Variants in EPHA3 observed in about 807,000 individuals in gnomAD.
EPHA3 encodes the protein EPH receptor A3.
In EPHA3, 42 loss-of-function variants were observed where a neutral mutation model predicts 107.1. The observed-to-expected ratio is 0.39, with a 90% confidence interval of 0.31 to 0.51. EPHA3 has a LOEUF of 0.51. EPHA3 is among the 20% of genes least tolerant of loss of function. EPHA3 has a pLI of 0.78. For missense variants in EPHA3, 1,183 were observed against 1,211.2 expected (o/e 0.98, Z 0.35); for synonymous variants, 461 against 424.8 (o/e 1.09, Z -1.05).
intron 15 of EPHA3, among the ~76,000 whole-genome samples, chr3:89,458,606 A>G (rs1160719607): frequency 6.6e-6 from 1 of 152,172 alleles, no homozygotes; most frequent in Non-Finnish European, 1.5e-5. Flanking sequence ...ACTCTCTTCT[A>G]TAATGGTTGA....
At chr3:89,213,523 T>G (rs1156746467) in intron 3 of EPHA3, among the ~76,000 whole-genome samples, 1 of 152,030 alleles carries the variant, frequency 6.6e-6, no homozygotes, top group African/African-American at 2.4e-5. Context: ...TCACATACAG[T>G]TGCAGCCAGG....
chr3:89,393,442 T>TA (rs1708783856), intron 5 of EPHA3, among the ~76,000 whole-genome samples: 1 of 152,226 alleles, frequency 6.6e-6, no homozygotes, highest in Admixed American at 6.5e-5. Context: ...AATGAATTGT[T>TA]TTCTCACTTT....
At chr3:89,459,067 T>C (rs1655130685) in intron 15 of EPHA3, among the ~76,000 whole-genome samples, 1 of 152,076 alleles carries the variant, frequency 6.6e-6, no homozygotes, top group African/African-American at 2.4e-5. Flanking sequence ...TTCTGACAAA[T>C]ACCTAATGCA....
At chr3:89,263,153 A>T (rs910100674) in intron 3 of EPHA3, among the ~76,000 whole-genome samples, 1 of 151,620 alleles carries the variant, frequency 6.6e-6, no homozygotes, top group African/African-American at 2.4e-5. Context: ...CCCATGCGTG[A>T]TGATTCCCTC....
At position 89,309,069 on chromosome 3, in the gene EPHA3, AAGT is replaced by A. The variant is rs1305037259; in HGVS notation, c.815-31843_815-31841del. 2.6e-5 allele frequency among the ~76,000 whole-genome samples: 4 copies of A among 152,084 alleles called. No homozygotes were observed. In the East Asian group the frequency reaches 5.8e-4, roughly 22 times the overall value. On this transcript the variant is annotated intron_variant, in intron 3 of 16. Transcript: ENST00000336596. ...ATTAGGAAAGCTTTAAAGATGAAGA[AAGT>A]AGTGAAAGTATCAAATGTTGCACAG...
chr3:89,328,357 G>T (rs1471698269), intron 3 of EPHA3, among the ~76,000 whole-genome samples: 1 of 152,118 alleles, frequency 6.6e-6, no homozygotes, highest in Non-Finnish European at 1.5e-5. Context: ...CATAAATTAA[G>T]CATTCTCTAC....
intron 5 of EPHA3, among the ~76,000 whole-genome samples, chr3:89,345,419 T>G (rs115340119): frequency 0.015 from 2,286 of 151,330 alleles, 61 homozygotes; most frequent in African/African-American, 0.052. Context: ...CATTCACATG[T>G]GTGAAAATAT....
chr3:89,182,537 T>C (rs1170628909), intron 2 of EPHA3, among the ~76,000 whole-genome samples: 1 of 151,918 alleles, frequency 6.6e-6, no homozygotes, highest in Non-Finnish European at 1.5e-5. Flanking sequence ...TTACAAAAGG[T>C]ATGCCTTACA....
chr3:89,399,726 G>GTTTTT, intron 7 of EPHA3: 1 of 987,028 alleles, frequency 1.0e-6, no homozygotes. Context: ...AAATGCTTCT[G>GTTTTT]TTTTTTTTTT....
intron 3 of EPHA3, among the ~76,000 whole-genome samples, chr3:89,302,105 A>AT: frequency 6.6e-6 from 1 of 152,266 alleles, no homozygotes; most frequent in Middle Eastern, 3.4e-3. Flanking sequence ...TGTAAAACAA[A>AT]TTTTTATGTT....
intron 11 of EPHA3, among the ~76,000 whole-genome samples, chr3:89,427,357 GA>G (rs1214071036): frequency 6.6e-6 from 1 of 151,718 alleles, no homozygotes; most frequent in African/African-American, 2.4e-5. Flanking sequence ...CACATGAAAG[GA>G]AAAAATCAAG....
chr3:89,161,090 T>C (rs948952573), intron 2 of EPHA3, among the ~76,000 whole-genome samples: 6 of 152,054 alleles, frequency 3.9e-5, no homozygotes, highest in Non-Finnish European at 8.8e-5. Context: ...CTTCTAAAAA[T>C]CTCCACCAAA....
At chr3:89,383,552 G>C (rs968627101) in intron 5 of EPHA3, among the ~76,000 whole-genome samples, 5 of 149,306 alleles carry the variant, frequency 3.3e-5, no homozygotes, top group African/African-American at 9.9e-5. Context: ...CCCTCACTCA[G>C]AACAGATTTA....
At chr3:89,324,737 A>G (rs931451118) in intron 3 of EPHA3, among the ~76,000 whole-genome samples, 3 of 151,980 alleles carry the variant, frequency 2.0e-5, no homozygotes, top group African/African-American at 7.2e-5. Context: ...CAGAGCATAC[A>G]TGTTCAGGTT....
intron 13 of EPHA3, among the ~76,000 whole-genome samples, chr3:89,446,626 G>A (rs1311980895): frequency 4.6e-5 from 7 of 151,618 alleles, no homozygotes; most frequent in Admixed American, 4.6e-4. Context: ...CCATGGTAAG[G>A]CAACAAATAT....
intron 2 of EPHA3, among the ~76,000 whole-genome samples, chr3:89,148,702 A>G (rs918564657): frequency 5.5e-4 from 84 of 152,128 alleles, no homozygotes; most frequent in African/African-American, 1.9e-3. Flanking sequence ...AATTAATCTT[A>G]CATTGTTTTC....
intron 15 of EPHA3, among the ~76,000 whole-genome samples, chr3:89,468,821 C>T (rs1361315823): frequency 6.6e-6 from 1 of 152,134 alleles, no homozygotes; most frequent in Non-Finnish European, 1.5e-5. Context: ...GCTGAAACAA[C>T]CCATGAATAT....
At chr3:89,342,194 A>C in intron 5 of EPHA3, 104 bp downstream of exon 5, 1 of 1,044,356 alleles carries the variant, frequency 9.6e-7, no homozygotes, top group South Asian at 1.8e-5. Context: ...ATTTTATAGA[A>C]CCCCAGGATT....
chr3:89,407,943 T>C lies in EPHA3; in HGVS notation c.1698-124T>C, dbSNP rs532300720. On this transcript the variant is annotated intron_variant, in intron 8 of 16. Coordinates refer to ENST00000336596, the MANE Select transcript of EPHA3 (RefSeq NM_005233.6). ...TTTTGAAAATATGAAGTTATTAAAC[T>C]TTCACTAAAGCATTTAATTGTTTGA... 13 of 971,198 alleles carry C rather than the reference T, an allele frequency of 1.3e-5. No homozygotes were observed. In the Middle Eastern group the frequency reaches 1.1e-3, roughly 83 times the overall value. The allele number at this position is 971,198 out of a possible 1,614,324, so 60.2% of individuals were successfully genotyped here.
Sources: allele counts gnomAD v4.1 joint callset (sites outside exome capture counted in the v4.1 genomes callset), GRCh38; gene constraint gnomAD v4.1.1; transcripts MANE v1.5; gene names NCBI Gene and HGNC (gene_info 2026-07-23, HGNC 2026-07-21).